The following MALRD1 variants were observed in gnomAD, a reference collection of about 807,000 sequenced individuals.
MALRD1 encodes the protein MAM and LDL-receptor class A domain-containing protein 1.
In MALRD1, 247 loss-of-function variants were observed where a neutral mutation model predicts 242.1. The ratio of observed to expected loss-of-function variants is 1.02; its 90% CI spans 0.92 to 1.13. MALRD1 has a LOEUF of 1.13. Ranked by LOEUF, MALRD1 falls within the 50% of genes most tolerant of loss-of-function variation. MALRD1 has a pLI of 0.00. For synonymous variants in MALRD1, 995 were observed against 866.6 expected (o/e 1.15, Z -2.60); for missense variants, 2,989 against 2,533.1 (o/e 1.18, Z -3.86).
intron 28 of MALRD1, among the ~76,000 whole-genome samples, chr10:19,402,168 G>C (rs886179786): frequency 6.6e-6 from 1 of 152,070 alleles, no homozygotes; most frequent in Admixed American, 6.6e-5. Context: ...TCTTTCTTCT[G>C]GGAAGGCCAT....
chr10:19,491,609 C>T lies in MALRD1; in HGVS notation c.5122C>T (p.Pro1708Ser). 2 of 1,550,074 alleles carry T rather than the reference C, an allele frequency of 1.3e-6. No individual in the cohort carries two copies. ...ATCCCACCTTCTTTGTGACTATAAG[C>T]CAGACTGCTCTGATAGGTCTGATGA... ...IASHLLCDYK[P>S]DCSDRSDEAH... The change falls in exon 30 of 40, where the codon CCA (proline) becomes TCA (serine). Residue 1708 changes from proline (P) to serine (S), a missense_variant. Pro to Ser is a moderately conservative substitution (Grantham distance 74). Coordinates refer to ENST00000454679, the MANE Select transcript of MALRD1 (RefSeq NM_001142308.3).
intron 28 of MALRD1, among the ~76,000 whole-genome samples, chr10:19,404,455 A>T (rs1233386649): frequency 6.6e-6 from 1 of 152,064 alleles, no homozygotes; most frequent in Non-Finnish European, 1.5e-5. Flanking sequence ...GAAGTTTCTG[A>T]TGTATGTTGC....
intron 33 of MALRD1, among the ~76,000 whole-genome samples, chr10:19,569,303 C>G (rs950901933): frequency 3.9e-5 from 6 of 151,990 alleles, no homozygotes; most frequent in African/African-American, 1.4e-4. Flanking sequence ...TTTTCTCCAG[C>G]AATTCTCAAA....
chr10:19,523,433 T>C (rs906798813), intron 31 of MALRD1, among the ~76,000 whole-genome samples: 4 of 152,242 alleles, frequency 2.6e-5, no homozygotes, highest in African/African-American at 9.6e-5. Context: ...TGACCACTTA[T>C]CATTTTACCT....
At chr10:19,143,316 T>G (rs141347763) in intron 10 of MALRD1, among the ~76,000 whole-genome samples, 1 of 152,256 alleles carries the variant, frequency 6.6e-6, no homozygotes, top group East Asian at 1.9e-4. Context: ...TGGGTGAGGG[T>G]GTGGGATGCA....
chr10:19,699,414 G>A lies in MALRD1; in HGVS notation c.6314+6860G>A, dbSNP rs561297843. On this transcript the variant is annotated intron_variant, in intron 38 of 39. Coordinates refer to ENST00000454679, the MANE Select transcript of MALRD1 (RefSeq NM_001142308.3). The stretch of plus-strand genomic sequence containing the variant: ...GGAGTTTACTTTCAGTCCATTTGAG[G>A]AAACATGGAAAATAGAGATAAATTG... Among the ~76,000 whole-genome samples, 12 of 151,990 alleles carry A rather than the reference G, an allele frequency of 7.9e-5. No homozygotes were observed. The East Asian group carries it at 2.3e-3, about 30-fold the overall frequency.
intron 26 of MALRD1, among the ~76,000 whole-genome samples, chr10:19,382,363 A>AGTGT (rs61201600): frequency 6.6e-6 from 1 of 151,462 alleles, no homozygotes. Context: ...TGTATGTGTG[A>AGTGT]GTGTGTGTGT....
chr10:19,451,588 T>C (rs948988338), intron 29 of MALRD1, among the ~76,000 whole-genome samples: 19 of 152,194 alleles, frequency 1.2e-4, no homozygotes, highest in Non-Finnish European at 1.5e-4. Context: ...CTGATTCACT[T>C]GGCAGCAAGT....
intron 5 of MALRD1, among the ~76,000 whole-genome samples, chr10:19,115,361 A>G (rs1305855288): frequency 6.6e-6 from 1 of 152,118 alleles, no homozygotes; most frequent in Non-Finnish European, 1.5e-5. Flanking sequence ...TCTGTATAAC[A>G]GACCCCCATG....
intron 18 of MALRD1, among the ~76,000 whole-genome samples, chr10:19,244,278 T>C (rs1838939172): frequency 6.6e-6 from 1 of 152,154 alleles, no homozygotes; most frequent in Non-Finnish European, 1.5e-5. Flanking sequence ...AAATTGATGT[T>C]TAGAAGTTTA....
chr10:19,171,422 TTATATACATATATATATATATA>T (rs1357444219), intron 13 of MALRD1, among the ~76,000 whole-genome samples: 4 of 36,276 alleles, frequency 1.1e-4, no homozygotes, highest in East Asian at 6.8e-4. Context: ...ATTTTATATT[TTATATACATATATATATATATA>T]TATATATATA....
At chr10:19,730,637 A>G in intron 38 of MALRD1, 69 bp from the exon 39 acceptor site, 1 of 1,453,372 alleles carries the variant, frequency 6.9e-7, no homozygotes, top group Non-Finnish European at 9.3e-7. Flanking sequence ...TCTAACAAAC[A>G]ATAACCTGAA....
chr10:19,253,049 A>C (rs1227904592), intron 18 of MALRD1, among the ~76,000 whole-genome samples: 1 of 151,998 alleles, frequency 6.6e-6, no homozygotes, highest in African/African-American at 2.4e-5. Flanking sequence ...TGCGTTTATA[A>C]GAATTTACTT....
At chr10:19,374,814 C>A (rs1845530817) in intron 26 of MALRD1, among the ~76,000 whole-genome samples, 1 of 152,118 alleles carries the variant, frequency 6.6e-6, no homozygotes, top group Non-Finnish European at 1.5e-5. Context: ...GAGACCATCA[C>A]AGGACCTGGG....
At chr10:19,733,585 G>C (rs1835378738) in intron 39 of MALRD1, among the ~76,000 whole-genome samples, 1 of 151,520 alleles carries the variant, frequency 6.6e-6, no homozygotes, top group South Asian at 2.1e-4. Flanking sequence ...GCATCCAAAT[G>C]GGTAGATATG....
chr10:19,236,377 G>A (rs1365615640), intron 18 of MALRD1, among the ~76,000 whole-genome samples: 1 of 152,152 alleles, frequency 6.6e-6, no homozygotes, highest in African/African-American at 2.4e-5. Flanking sequence ...AAGCTTGGTA[G>A]AGTTTATGCC....
intron 10 of MALRD1, among the ~76,000 whole-genome samples, chr10:19,138,479 G>A (rs1464583870): frequency 2.0e-5 from 3 of 147,738 alleles, no homozygotes; most frequent in Non-Finnish European, 3.0e-5. Context: ...GGAGTGCAAT[G>A]GCATGATCTC....
chr10:19,485,692 T>G (rs566057440), intron 29 of MALRD1, among the ~76,000 whole-genome samples: 1 of 151,876 alleles, frequency 6.6e-6, no homozygotes, highest in South Asian at 2.1e-4. Context: ...CAGTGTAGCT[T>G]TTTAAAAAAG....
chr10:19,159,885 T>C (rs1397429569), intron 12 of MALRD1, among the ~76,000 whole-genome samples: 1 of 152,052 alleles, frequency 6.6e-6, no homozygotes, highest in African/African-American at 2.4e-5. Context: ...TGATTTAATG[T>C]ATACATATAT....
Sources: allele counts gnomAD v4.1 joint callset (sites outside exome capture counted in the v4.1 genomes callset), GRCh38; gene constraint gnomAD v4.1.1; transcripts MANE v1.5; gene names NCBI Gene and HGNC (gene_info 2026-07-23, HGNC 2026-07-21).